TRHDE: variants seen among roughly 807,000 people sequenced by gnomAD.
TRHDE encodes the protein thyrotropin releasing hormone degrading enzyme.
Under a neutral mutation model 125.7 loss-of-function variants are expected in TRHDE, and 72 were observed. The ratio of observed to expected loss-of-function variants is 0.57; its 90% CI spans 0.47 to 0.70. TRHDE has a LOEUF of 0.70. TRHDE is among the 30% of genes least tolerant of loss of function. The pLI is 0.00. For synonymous variants in TRHDE, 509 were observed against 509.1 expected (o/e 1.00, Z 0.00); for missense variants, 1,110 against 1,327.1 (o/e 0.84, Z 2.54).
chr12:72,380,406 A>G (rs1872087536), intron 3 of TRHDE, among the ~76,000 whole-genome samples: 1 of 152,146 alleles, frequency 6.6e-6, no homozygotes, highest in South Asian at 2.1e-4. Context: ...AGTGTGGGGG[A>G]CAGATGGGGC....
chr12:72,170,832 G>C (rs1876856958), intron 2 of TRHDE, among the ~76,000 whole-genome samples: 1 of 152,078 alleles, frequency 6.6e-6, no homozygotes, highest in Non-Finnish European at 1.5e-5. Context: ...CTCTCTCTCT[G>C]CCTTTCTCTC....
intron 6 of TRHDE, among the ~76,000 whole-genome samples, chr12:72,538,510 A>G (rs1868982078): frequency 6.6e-6 from 1 of 151,974 alleles, no homozygotes; most frequent in African/African-American, 2.4e-5. Context: ...TCTGTTTTCT[A>G]TTTTTCTTAC....
At chr12:72,572,794 A>T (rs976771698) in intron 10 of TRHDE, among the ~76,000 whole-genome samples, 1 of 151,982 alleles carries the variant, frequency 6.6e-6, no homozygotes, top group African/African-American at 2.4e-5. Flanking sequence ...TGACTATATC[A>T]TATCTATAAG....
Position 72,166,026 on chromosome 12 carries a change from A to G in TRHDE, n.279+60274A>G, listed in dbSNP as rs1283271960. On this transcript the variant is annotated intron_variant and non_coding_transcript_variant, in intron 2 of 4. Transcript: ENST00000548156. Reference sequence around the variant, plus strand: ...TTGCTGAGTGAACATCATAGAGTGCACTTACCTTATACAAACCTAGATGGT... The same window carrying G: ...TTGCTGAGTGAACATCATAGAGTGCGCTTACCTTATACAAACCTAGATGGT... Among the ~76,000 whole-genome samples, 6 of 152,122 alleles carry G rather than the reference A, an allele frequency of 3.9e-5. No homozygotes were observed. The South Asian group carries it at 1.0e-3, about 26-fold the overall frequency.
At chr12:72,607,051 G>C (rs1289490900) in intron 12 of TRHDE, among the ~76,000 whole-genome samples, 2 of 151,922 alleles carry the variant, frequency 1.3e-5, no homozygotes, top group African/African-American at 2.4e-5. Context: ...TGATTTTACT[G>C]CTCAGTGAGT....
At chr12:72,127,221 G>C (rs936066381) in intron 2 of TRHDE, among the ~76,000 whole-genome samples, 1 of 152,198 alleles carries the variant, frequency 6.6e-6, no homozygotes, top group Non-Finnish European at 1.5e-5. Context: ...AGAGAAAAGA[G>C]AATGCTTATA....
chr12:72,371,438 T>C (rs1871581685), intron 2 of TRHDE, among the ~76,000 whole-genome samples: 1 of 151,642 alleles, frequency 6.6e-6, no homozygotes, highest in Non-Finnish European at 1.5e-5. Context: ...ATGTGCACAA[T>C]GTGCAGGTTA....
At chr12:72,187,234 C>T (rs150330246) in intron 2 of TRHDE, among the ~76,000 whole-genome samples, 13 of 150,844 alleles carry the variant, frequency 8.6e-5, no homozygotes, top group African/African-American at 2.4e-4. Context: ...CCTTATTTTA[C>T]GGATAATAAA....
At chr12:72,319,484 C>T (rs1868973677) in intron 2 of TRHDE, among the ~76,000 whole-genome samples, 1 of 152,096 alleles carries the variant, frequency 6.6e-6, no homozygotes, top group African/African-American at 2.4e-5. Context: ...AATACTTAAT[C>T]AAAACTTGGA....
rs557066625 is a variant in TRHDE, at chr12:72,425,001, T to A, written c.1316-44757T>A. Reference sequence around the variant, plus strand: ...AATGTGCTATGAAACCATTTTATAGTCACTTTTACTGTAGTTACTATAAAA... The same window carrying A: ...AATGTGCTATGAAACCATTTTATAGACACTTTTACTGTAGTTACTATAAAA... On this transcript the variant is annotated intron_variant, in intron 3 of 18. Transcript: ENST00000261180. Among the ~76,000 whole-genome samples, 112 of 152,270 alleles carry A rather than the reference T, an allele frequency of 7.4e-4. 1 individual carries two copies. Among genetic ancestry groups the A allele is most frequent in the African/African-American group, 2.6e-3 (110 of 41,576 alleles).
intron 2 of TRHDE, among the ~76,000 whole-genome samples, chr12:72,218,156 T>A (rs977017366): frequency 1.3e-5 from 2 of 151,852 alleles, no homozygotes; most frequent in Admixed American, 1.3e-4. Context: ...ACAGAAAAAA[T>A]GTGAAGTTAC....
At chr12:72,594,407 G>A (rs1231094000) in intron 12 of TRHDE, among the ~76,000 whole-genome samples, 7 of 151,432 alleles carry the variant, frequency 4.6e-5, no homozygotes, top group Non-Finnish European at 8.8e-5. Context: ...TAGTGGAGAC[G>A]GGTTTTCTCC....
intron 2 of TRHDE, among the ~76,000 whole-genome samples, chr12:72,150,048 C>T (rs192354697): frequency 6.6e-6 from 1 of 152,058 alleles, no homozygotes; most frequent in African/African-American, 2.4e-5. Flanking sequence ...TTCTATGTGC[C>T]AGACATTATT....
At chr12:72,095,719 A>G (rs1459884284) in intron 1 of TRHDE, among the ~76,000 whole-genome samples, 1 of 152,192 alleles carries the variant, frequency 6.6e-6, no homozygotes, top group East Asian at 1.9e-4. Context: ...TCAGTTGCTG[A>G]CATGAAGAAA....
intron 3 of TRHDE, among the ~76,000 whole-genome samples, chr12:72,436,418 A>G (rs900742819): frequency 3.3e-5 from 5 of 152,084 alleles, no homozygotes; most frequent in Admixed American, 3.3e-4. Context: ...TGATTTGATT[A>G]TCATAATACG....
intron 3 of TRHDE, among the ~76,000 whole-genome samples, chr12:72,442,086 A>G (rs1205213409): frequency 6.6e-6 from 1 of 151,876 alleles, no homozygotes; most frequent in Non-Finnish European, 1.5e-5. Flanking sequence ...TCTGTAAATG[A>G]TGCCGGGATT....
intron 12 of TRHDE, among the ~76,000 whole-genome samples, chr12:72,590,344 A>G (rs1237160661): frequency 1.3e-5 from 2 of 152,064 alleles, no homozygotes; most frequent in Non-Finnish European, 2.9e-5. Flanking sequence ...TGTTGTTCAG[A>G]GCATTTAAAT....
At chr12:72,136,832 C>T (rs1875997727) in intron 2 of TRHDE, among the ~76,000 whole-genome samples, 2 of 152,106 alleles carry the variant, frequency 1.3e-5, no homozygotes, top group African/African-American at 2.4e-5. Flanking sequence ...TGGCAAAACT[C>T]GCACCTACTG....
intron 2 of TRHDE, among the ~76,000 whole-genome samples, chr12:72,355,956 T>TGTAAATTAGTTC (rs1394406198): frequency 6.7e-6 from 1 of 149,664 alleles, no homozygotes. Context: ...GTTGATGGGA[T>TGTAAATTAGTTC]AACCATTGTA....
Sources: allele counts gnomAD v4.1 joint callset (sites outside exome capture counted in the v4.1 genomes callset), GRCh38; gene constraint gnomAD v4.1.1; transcripts MANE v1.5; gene names NCBI Gene and HGNC (gene_info 2026-07-23, HGNC 2026-07-21).